Variants in ASF1A observed in about 807,000 individuals in gnomAD.
ASF1A encodes the protein anti-silencing function 1A histone chaperone.
A neutral mutation model predicts 22.0 loss-of-function variants in ASF1A; 5 were observed. That is an observed-to-expected ratio of 0.23 (90% CI 0.12 to 0.48). ASF1A has a LOEUF of 0.48. Ranked by LOEUF, ASF1A falls within the 20% of genes least tolerant of loss-of-function variation. The probability of loss-of-function intolerance (pLI) is 0.99; values close to 1 mark genes in which losing one functional copy is unlikely to be tolerated. For missense variants in ASF1A, 137 were observed against 240.6 expected, an observed-to-expected ratio of 0.57 and a Z score of 2.85; for synonymous variants, 97 against 86.7, an observed-to-expected ratio of 1.12 and a Z score of -0.66.
chr6:118,894,621 C>T, intron 1 of ASF1A, 99 bp downstream of exon 1: 2 of 1,073,896 alleles, frequency 1.9e-6, no homozygotes, highest in Non-Finnish European at 2.7e-6. Context: ...TGTTCGGCGC[C>T]TGGCGGCCGC....
chr6:118,901,610 A>T (rs1399213419), intron 2 of ASF1A, among the ~76,000 whole-genome samples: 4 of 152,160 alleles, frequency 2.6e-5, no homozygotes, highest in Non-Finnish European at 5.9e-5. Context: ...CAAAAGTGTT[A>T]TTTCTTTTAA....
chr6:118,908,274 A>G lies in ASF1A; in HGVS notation c.*660A>G, dbSNP rs901956827. 2 of 152,178 alleles carry G rather than the reference A, an allele frequency of 1.3e-5. No homozygotes were observed. The highest frequency in any genetic ancestry group is 4.8e-5 in the African/African-American group (2 of 41,462). 9.4% of individuals were successfully genotyped at this position (152,178 alleles called of 1,614,324 possible). ...TCCCCTGGCTATGGTTTTTGTTCTT[A>G]TAACAGAGTTTAGAATATCAGAGCA... On this transcript the variant is annotated 3_prime_UTR_variant, in exon 4 of 4. Coordinates refer to ENST00000229595, the MANE Select transcript of ASF1A (RefSeq NM_014034.3).
At chr6:118,901,309 C>T (rs949893063) in intron 2 of ASF1A, among the ~76,000 whole-genome samples, 2 of 152,178 alleles carry the variant, frequency 1.3e-5, no homozygotes, top group Non-Finnish European at 2.9e-5. Context: ...GCCACTGGAA[C>T]TGATGGTGAT....
chr6:118,907,632 A>G lies in ASF1A; in HGVS notation c.*18A>G. 1 of 1,585,790 alleles carries G rather than the reference A, an allele frequency of 6.3e-7. No individual in the cohort carries two copies. Among genetic ancestry groups the G allele is most frequent in the East Asian group, 2.2e-5 (1 of 44,628 alleles). On this transcript the variant is annotated 3_prime_UTR_variant, in exon 4 of 4. Coordinates refer to ENST00000229595, the MANE Select transcript of ASF1A (RefSeq NM_014034.3). ...GCATGTGACCACCTACCATCCCTTTAGTACAAATTAAGCTATTAAAAATAC... is the reference window on the plus strand; with the variant it reads ...GCATGTGACCACCTACCATCCCTTTGGTACAAATTAAGCTATTAAAAATAC...
intron 2 of ASF1A, 178 bp downstream of exon 2, chr6:118,901,059 C>G: frequency 1.8e-6 from 1 of 543,112 alleles, no homozygotes; most frequent in Non-Finnish European, 3.3e-6. Context: ...GGAACTCTTA[C>G]TTCCTGGTTT....
In ASF1A at chr6:118,905,633, TC is replaced by T; in HGVS notation, c.226-18del. ...GCCTTTTGTGTGTGTGTGTTTCTTT[TC>T]TTTTTAATTTATTCTAGGCTGATGC... On this transcript the variant is annotated intron_variant, in intron 2 of 3. Coordinates refer to ENST00000229595, the MANE Select transcript of ASF1A (RefSeq NM_014034.3). 1.3e-6 allele frequency: 2 copies of T among 1,576,336 alleles called. No homozygotes were observed. Among genetic ancestry groups the T allele is most frequent in the Non-Finnish European group, 1.7e-6 (2 of 1,159,622 alleles).
chr6:118,900,232 CT>C (rs1368593054), intron 1 of ASF1A, among the ~76,000 whole-genome samples: 1 of 152,174 alleles, frequency 6.6e-6, no homozygotes, highest in African/African-American at 2.4e-5. Flanking sequence ...AAGCCACTTA[CT>C]TCTGAGCCAT....
Position 118,907,742 on chromosome 6 carries a change from T to C in ASF1A, c.*128T>C. ...GTTTAAAAACATCCTGTAGAAAGTT[T>C]ATAAGAAAACCAGTATTTGAACAAA... On this transcript the variant is annotated 3_prime_UTR_variant, in exon 4 of 4. Transcript: ENST00000229595. The C allele has an allele frequency of 2.8e-6, 2 of 704,756 alleles. No individual in the cohort carries two copies. Among genetic ancestry groups the C allele is most frequent in the South Asian group, 2.3e-5 (1 of 44,264 alleles). The allele number at this position is 704,756 out of a possible 1,614,324, so 43.7% of individuals were successfully genotyped here.
intron 2 of ASF1A, 45 bp downstream of exon 2, chr6:118,900,926 G>C: frequency 7.6e-7 from 1 of 1,309,432 alleles, no homozygotes; most frequent in Non-Finnish European, 1.1e-6. Context: ...ATGTTTCGAA[G>C]TAGACTATAT....
chr6:118,894,903 G>A (rs1779256416), intron 1 of ASF1A, among the ~76,000 whole-genome samples: 1 of 152,074 alleles, frequency 6.6e-6, no homozygotes. Context: ...CGGAGGCTGG[G>A]AAGGGAGAGG....
intron 2 of ASF1A, among the ~76,000 whole-genome samples, chr6:118,903,642 C>T (rs150002012): frequency 4.2e-4 from 64 of 152,230 alleles, no homozygotes; most frequent in African/African-American, 1.3e-3. Context: ...AGAATACACT[C>T]GATGTAAGCT....
chr6:118,896,754 A>C (rs963874462), intron 1 of ASF1A, among the ~76,000 whole-genome samples: 8 of 152,180 alleles, frequency 5.3e-5, no homozygotes, highest in Non-Finnish European at 8.8e-5. Context: ...GGAAATTTTT[A>C]CTTAGCAAAG....
In ASF1A at chr6:118,907,714, T is replaced by A; in HGVS notation, c.*100T>A. The A allele has an allele frequency of 1.1e-6, 1 of 926,418 alleles. No homozygotes were observed. Among genetic ancestry groups the A allele is most frequent in the Non-Finnish European group, 1.6e-6 (1 of 616,424 alleles). The allele number at this position is 926,418 out of a possible 1,614,324, so 57.4% of individuals were successfully genotyped here. On this transcript the variant is annotated 3_prime_UTR_variant, in exon 4 of 4. Coordinates refer to ENST00000229595, the MANE Select transcript of ASF1A (RefSeq NM_014034.3). ...CATAGTCAAAACACAATGTGAAGAA[T>A]TTGTTTAAAAACATCCTGTAGAAAG...
Position 118,900,815 on chromosome 6 carries a change from C to T in ASF1A, c.159C>T (p.Tyr53=), listed in dbSNP as rs552333381. ...IYVGSAESEE[Y]DQVLDSVLVG... is the part of the protein sequence containing the mutation. Reference sequence around the variant, plus strand: ...TGGGCTCTGCAGAAAGTGAAGAATACGATCAAGTTTTAGACTCTGTTTTAG... The same window carrying T: ...TGGGCTCTGCAGAAAGTGAAGAATATGATCAAGTTTTAGACTCTGTTTTAG... The change falls in exon 2 of 4, where the codon TAC becomes TAT. Residue 53 remains tyrosine (Y), a synonymous_variant. Coordinates refer to ENST00000229595, the MANE Select transcript of ASF1A (RefSeq NM_014034.3). 2.7e-5 allele frequency: 43 copies of T among 1,613,634 alleles called. 1 individual carries two copies. The South Asian group carries it at 3.7e-4, about 14-fold the overall frequency.
At chr6:118,895,095 A>G (rs976261261) in intron 1 of ASF1A, among the ~76,000 whole-genome samples, 1 of 152,078 alleles carries the variant, frequency 6.6e-6, no homozygotes, top group African/African-American at 2.4e-5. Flanking sequence ...CGGGCTGGCC[A>G]TGCCTGGCCG....
At chr6:118,907,065 G>C (rs1780232484) in intron 3 of ASF1A, among the ~76,000 whole-genome samples, 1 of 152,080 alleles carries the variant, frequency 6.6e-6, no homozygotes, top group African/African-American at 2.4e-5. Context: ...ATAGTAGCTT[G>C]TTAAATAAAG....
rs553373430 is a variant in ASF1A at position 118,909,113 on chromosome 6, A to G, written c.*1499A>G. On this transcript the variant is annotated 3_prime_UTR_variant, in exon 4 of 4. Transcript: ENST00000229595. ...AAGAAAATCTCATTTGTCTAATTGC[A>G]ATTAAAAGAAAAATGTTAAAATATT... is the stretch of plus-strand genomic sequence containing the variant. 6 of 152,210 alleles carry G rather than the reference A, an allele frequency of 3.9e-5. No homozygotes were observed. The highest frequency in any genetic ancestry group is 7.4e-5 in the Non-Finnish European group (5 of 68,026). 9.4% of individuals were successfully genotyped at this position (152,210 alleles called of 1,614,324 possible).
At position 118,894,443 on chromosome 6, in the gene ASF1A, G is replaced by A. The variant is rs1480529466; in HGVS notation, c.30G>A (p.Val10=). 2.0e-5 allele frequency: 31 copies of A among 1,537,144 alleles called. No individual in the cohort carries two copies. Among genetic ancestry groups the A allele is most frequent in the Non-Finnish European group, 2.6e-5 (30 of 1,146,828 alleles). Residue 10 remains valine (V), a synonymous_variant, in exon 1 of 4, where the codon GTG becomes GTA. Coordinates refer to ENST00000229595, the MANE Select transcript of ASF1A (RefSeq NM_014034.3). MAKVQVNNV[V]VLDNPSPFYN... is the part of the protein sequence containing the mutation. The stretch of plus-strand genomic sequence containing the variant: ...CAAAGGTTCAGGTGAACAATGTAGT[G>A]GTGCTGGATAACCCTTCTCCTTTCT...
chr6:118,899,498 A>G (rs1015353763), intron 1 of ASF1A, among the ~76,000 whole-genome samples: 1 of 151,942 alleles, frequency 6.6e-6, no homozygotes, highest in African/African-American at 2.4e-5. Flanking sequence ...CTTCCTCTCT[A>G]TCTCCATCAA....
Sources: allele counts gnomAD v4.1 joint callset (sites outside exome capture counted in the v4.1 genomes callset), GRCh38; gene constraint gnomAD v4.1.1; transcripts MANE v1.5; gene names NCBI Gene and HGNC (gene_info 2026-07-23, HGNC 2026-07-21).